NSMCE1: variants seen among roughly 807,000 people sequenced by gnomAD.
The protein encoded by NSMCE1 is non-structural maintenance of chromosomes element 1 homolog.
NSMCE1 carries 18 observed loss-of-function variants against 29.6 expected under a neutral mutation model. The observed-to-expected ratio is 0.61, with a 90% CI of 0.42 to 0.90. NSMCE1 has a LOEUF of 0.90. NSMCE1 is among the 40% of genes least tolerant of loss of function. The pLI, the probability that NSMCE1 is intolerant of heterozygous loss-of-function variation, is 0.00. For missense variants in NSMCE1, 314 were observed against 343.6 expected, an observed-to-expected ratio of 0.91 and a Z score of 0.68; for synonymous variants, 124 against 133.4, an observed-to-expected ratio of 0.93 and a Z score of 0.49.
At chr16:27,244,145 T>C (rs1427724577) in intron 2 of NSMCE1, among the ~76,000 whole-genome samples, 2 of 152,214 alleles carry the variant, frequency 1.3e-5, no homozygotes, top group Admixed American at 6.5e-5. Context: ...TAAACCCAAG[T>C]GGAGGCTGCC....
intron 6 of NSMCE1, chr16:27,226,454 C>T (rs2083692846): frequency 2.2e-6 from 1 of 446,664 alleles, no homozygotes; most frequent in African/African-American, 2.0e-5. Flanking sequence ...ACAGAACACT[C>T]AGCCTTCCTG....
At chr16:27,230,138 C>T (rs2083747700) in intron 5 of NSMCE1, among the ~76,000 whole-genome samples, 1 of 152,218 alleles carries the variant, frequency 6.6e-6, no homozygotes, top group South Asian at 2.1e-4. Context: ...GCCGCGCTTG[C>T]TCTCAGAGGC....
At chr16:27,239,931 G>T (rs201847643) in intron 2 of NSMCE1, among the ~76,000 whole-genome samples, 1 of 150,644 alleles carries the variant, frequency 6.6e-6, no homozygotes, top group East Asian at 2.0e-4. Context: ...GCCTGCAAAT[G>T]TGTGGCTATG....
intron 1 of NSMCE1, among the ~76,000 whole-genome samples, chr16:27,261,966 A>AG (rs2084162508): frequency 6.6e-6 from 1 of 152,202 alleles, no homozygotes; most frequent in Non-Finnish European, 1.5e-5. Flanking sequence ...CACAGGGCCG[A>AG]GCGCGGTGGC....
At chr16:27,234,858 C>T (rs932781299) in intron 3 of NSMCE1, among the ~76,000 whole-genome samples, 8 of 152,180 alleles carry the variant, frequency 5.3e-5, no homozygotes, top group Non-Finnish European at 8.8e-5. Flanking sequence ...GAACACATCA[C>T]GTGGGTGAAC....
chr16:27,244,779 G>A (rs1191662850), intron 2 of NSMCE1, among the ~76,000 whole-genome samples: 3 of 152,160 alleles, frequency 2.0e-5, no homozygotes, highest in East Asian at 1.9e-4. Flanking sequence ...TCCGAGTTAC[G>A]GTCTTTCTCT....
intron 3 of NSMCE1, 75 bp from the exon 4 acceptor site, chr16:27,234,340 C>T: frequency 4.2e-6 from 4 of 943,702 alleles, no homozygotes; most frequent in Non-Finnish European, 7.0e-6. Context: ...CTCTCCCTCC[C>T]TCCCCTCCTC....
At chr16:27,238,286 C>T (rs1259626193) in intron 2 of NSMCE1, among the ~76,000 whole-genome samples, 1 of 152,172 alleles carries the variant, frequency 6.6e-6, no homozygotes, top group South Asian at 2.1e-4. Context: ...TGTCCAGAAC[C>T]CTCTTCCCTC....
intron 2 of NSMCE1, among the ~76,000 whole-genome samples, chr16:27,252,977 CG>C (rs1437455537): frequency 8.6e-5 from 13 of 151,970 alleles, no homozygotes; most frequent in African/African-American, 3.1e-4. Flanking sequence ...TGAAGAGCTT[CG>C]GGTTATTAAA....
chr16:27,264,746 A>C (rs1053819862), intron 1 of NSMCE1, among the ~76,000 whole-genome samples: 1 of 152,208 alleles, frequency 6.6e-6, no homozygotes, highest in Non-Finnish European at 1.5e-5. Context: ...TATAAAAAGT[A>C]CAGGTCATAA....
In NSMCE1 at chr16:27,235,160, G is replaced by A; in HGVS notation, c.258+18C>T. On this transcript the variant is annotated intron_variant, in intron 3 of 7. Coordinates refer to ENST00000361439, the MANE Select transcript of NSMCE1 (RefSeq NM_145080.4). ...AGCTCCTCAAAAATGCCACTAGAGG[G>A]CTCTGCCGGGCACTCACCAACGCAT... 2 of 1,611,494 alleles carry A rather than the reference G, an allele frequency of 1.2e-6. No individual in the cohort carries two copies.
At chr16:27,226,231 C>G (rs1299442697) in intron 6 of NSMCE1, 1 of 219,644 alleles carries the variant, frequency 4.6e-6, no homozygotes, top group Non-Finnish European at 9.1e-6. Context: ...GAAATAATCA[C>G]CAGGTGCCCA....
chr16:27,250,145 CAGA>C (rs1303455216), intron 2 of NSMCE1, among the ~76,000 whole-genome samples: 2 of 152,132 alleles, frequency 1.3e-5, no homozygotes, highest in Non-Finnish European at 2.9e-5. Context: ...TTATTAGTTC[CAGA>C]AGATTTTTTG....
intron 4 of NSMCE1, among the ~76,000 whole-genome samples, chr16:27,233,714 A>C (rs1025813159): frequency 1.3e-5 from 2 of 152,268 alleles, no homozygotes; most frequent in African/African-American, 4.8e-5. Flanking sequence ...AGGCTGAGCA[A>C]ATAGCTCTGA....
chr16:27,249,965 C>T (rs775351094), intron 2 of NSMCE1, among the ~76,000 whole-genome samples: 4 of 152,140 alleles, frequency 2.6e-5, no homozygotes, highest in Non-Finnish European at 4.4e-5. Context: ...TTTCAGTGTA[C>T]GGGTCTAACA....
At chr16:27,255,289 G>C (rs192531801) in intron 2 of NSMCE1, among the ~76,000 whole-genome samples, 1 of 152,078 alleles carries the variant, frequency 6.6e-6, no homozygotes, top group African/African-American at 2.4e-5. Flanking sequence ...CAACTGCGGC[G>C]CATCTACCTT....
At chr16:27,238,190 C>T (rs1030019074) in intron 2 of NSMCE1, among the ~76,000 whole-genome samples, 5 of 152,228 alleles carry the variant, frequency 3.3e-5, no homozygotes, top group Non-Finnish European at 4.4e-5. Flanking sequence ...CCATCCTGCC[C>T]TCCCGCTCTG....
Position 27,226,757 on chromosome 16 carries a change from AC to A in NSMCE1, c.562del (p.Val188Ter). ...GCTGTGACAGATATTGCAGATCTTC[AC>A]CGCGTCGGGGTACGTCTCCCGGATG... is the stretch of plus-strand genomic sequence containing the variant. ...QYIRETYPDA[V>X]KICNICHSLL... On this transcript the variant is annotated frameshift_variant, in exon 6 of 8. Transcript: ENST00000361439. LOFTEE classifies it high-confidence loss of function. 1 of 1,613,836 alleles carries A rather than the reference AC, an allele frequency of 6.2e-7. No homozygotes were observed. The highest frequency in any genetic ancestry group is 8.5e-7 in the Non-Finnish European group (1 of 1,179,754).
At chr16:27,268,140 A>C (rs1268754299) in intron 1 of NSMCE1, 1 of 152,118 alleles carries the variant, frequency 6.6e-6, no homozygotes. Flanking sequence ...GGTGAAACCT[A>C]ACATAGAACA....
Sources: gnomAD v4.1 joint callset for allele counts (sites outside exome capture counted in the v4.1 genomes callset) on GRCh38, gnomAD v4.1.1 for gene constraint, MANE v1.5 for transcripts, NCBI Gene and HGNC (gene_info 2026-07-23, HGNC 2026-07-21) for gene names.